The following XRCC1 variants were observed in gnomAD, a reference collection of about 807,000 sequenced individuals.
XRCC1 encodes the protein DNA repair protein XRCC1.
A neutral mutation model predicts 83.3 loss-of-function variants in XRCC1; 52 were observed. That is an observed-to-expected ratio of 0.62 (90% CI 0.50 to 0.79). The LOEUF (loss-of-function observed/expected upper bound fraction) is 0.79. Among genes scored for constraint, XRCC1 ranks in the 30% least tolerant of loss-of-function variants. XRCC1 has a pLI of 0.00. For missense variants in XRCC1, 793 were observed against 823.5 expected (o/e 0.96, Z 0.45); for synonymous variants, 281 against 312.6 (o/e 0.90, Z 1.07).
At chr19:43,546,269 T>A (rs1361350762) in intron 12 of XRCC1, among the ~76,000 whole-genome samples, 163 bp from the exon 13 acceptor site, 2 of 135,812 alleles carry the variant, frequency 1.5e-5, no homozygotes, top group Non-Finnish European at 3.2e-5. Flanking sequence ...GATCCAGGAG[T>A]CCAGGCCCCA....
At position 43,554,775 on chromosome 19, in the gene XRCC1, G is replaced by A. The variant is rs1972619149; in HGVS notation, c.285C>T (p.Ser95=). The change falls in exon 4 of 17, where the codon TCC becomes TCT. Residue 95 remains serine, a synonymous_variant. Transcript: ENST00000262887. ...TTGAGCCACTGCGGCTCTCGGAAGG[G>A]GACATGAAAGATGAGGTGACCAGAA... The part of the protein sequence containing the change: ...EVLLVTSSFM[S]PSESRSGSNP... 2 of 1,613,072 alleles carry A rather than the reference G, an allele frequency of 1.2e-6. No homozygotes were observed. Among genetic ancestry groups the A allele is most frequent in the South Asian group, 1.1e-5 (1 of 91,040 alleles).
At chr19:43,570,998 C>G (rs1386758952) in intron 2 of XRCC1, among the ~76,000 whole-genome samples, 1 of 152,232 alleles carries the variant, frequency 6.6e-6, no homozygotes, top group Non-Finnish European at 1.5e-5. Flanking sequence ...ATCTCCCACT[C>G]CTGTGTGTGG....
Position 43,554,824 on chromosome 19 carries a change from G to A in XRCC1, c.256-20C>T, listed in dbSNP as rs1024069125. The A allele has an allele frequency of 2.9e-5, 47 of 1,602,554 alleles. No individual in the cohort carries two copies. Among genetic ancestry groups the A allele is most frequent in the Non-Finnish European group, 3.8e-5 (44 of 1,171,442 alleles). ...AAGGACCTGGGTGGGAGAAGCCACA[G>A]TGCATGAGAACCAGGGCAGGTTGGC... On this transcript the variant is annotated intron_variant, in intron 3 of 16. Transcript: ENST00000262887.
At chr19:43,544,121 C>T in intron 15 of XRCC1, 23 bp downstream of exon 15, 1 of 1,585,492 alleles carries the variant, frequency 6.3e-7, no homozygotes, top group Non-Finnish European at 8.6e-7. Context: ...ACCCCTTCCC[C>T]ACCCCAGTCC....
chr19:43,543,381 T>C lies in XRCC1; in HGVS notation c.*11A>G, dbSNP rs747878311. 1.5e-5 allele frequency: 23 copies of C among 1,537,332 alleles called. No individual in the cohort carries two copies. Among genetic ancestry groups the C allele is most frequent in the Admixed American group, 5.1e-5 (3 of 59,174 alleles). ...GTGTGTGTGTGTGTGTGTGTGTGTATAGCACATACTTCAGGCTTGCGGCAC... is the reference window on the plus strand; with the variant it reads ...GTGTGTGTGTGTGTGTGTGTGTGTACAGCACATACTTCAGGCTTGCGGCAC... On this transcript the variant is annotated 3_prime_UTR_variant, in exon 17 of 17. Coordinates refer to ENST00000262887, the MANE Select transcript of XRCC1 (RefSeq NM_006297.3).
rs1568511553 is a variant in XRCC1, at chr19:43,547,068, C to T, written c.1200-91G>A. ...ACAGCCATTGGCATTTACTAAAATA[C>T]TCACTCTAGTGGGCCTCATGGTCTT... On this transcript the variant is annotated intron_variant, in intron 10 of 16. Transcript: ENST00000262887. 2.1e-5 allele frequency: 26 copies of T among 1,254,984 alleles called. 1 individual carries two copies. The South Asian group carries it at 3.4e-4, about 16-fold the overall frequency. 77.7% of individuals were successfully genotyped at this position (1,254,984 alleles called of 1,614,324 possible). A position where few individuals can be genotyped will look rare whatever the true frequency, so the allele number is the denominator to read the frequency against.
chr19:43,559,479 C>CAAAAAAAAAAAAAAAA (rs58121949), intron 3 of XRCC1, among the ~76,000 whole-genome samples: 2 of 56,528 alleles, frequency 3.5e-5, no homozygotes, highest in African/African-American at 7.3e-5. Context: ...GACTCCATCT[C>CAAAAAAAAAAAAAAAA]AAAAAAAAAA....
intron 10 of XRCC1, among the ~76,000 whole-genome samples, chr19:43,549,643 A>T (rs2146046840): frequency 6.6e-6 from 1 of 152,066 alleles, no homozygotes; most frequent in Admixed American, 6.6e-5. Flanking sequence ...TGCAGCCTGA[A>T]CCTCCTGGGC....
intron 2 of XRCC1, among the ~76,000 whole-genome samples, chr19:43,562,317 G>C (rs1413932725): frequency 6.6e-6 from 1 of 152,126 alleles, no homozygotes; most frequent in African/African-American, 2.4e-5. Context: ...GAGGGAGCCT[G>C]GACTTGGGGT....
chr19:43,548,937 G>A (rs1972549094), intron 10 of XRCC1, among the ~76,000 whole-genome samples: 1 of 152,062 alleles, frequency 6.6e-6, no homozygotes, highest in African/African-American at 2.4e-5. Context: ...TATTTAATCT[G>A]CCCTAAGCCA....
chr19:43,561,220 A>G (rs1362482484), intron 2 of XRCC1, among the ~76,000 whole-genome samples, 200 bp from the exon 3 acceptor site: 2 of 152,104 alleles, frequency 1.3e-5, no homozygotes, highest in East Asian at 3.8e-4. Context: ...CAAAATAGTC[A>G]CTGAATGAAT....
At chr19:43,572,047 C>G (rs1972810859) in intron 2 of XRCC1, among the ~76,000 whole-genome samples, 1 of 152,160 alleles carries the variant, frequency 6.6e-6, no homozygotes, top group Admixed American at 6.5e-5. Context: ...CTGGACATCC[C>G]AACTGAAACA....
rs1237962168 is a variant in XRCC1 at position 43,553,423 on chromosome 19, G to A, written c.579C>T (p.Ser193=). 2 of 1,614,170 alleles carry A rather than the reference G, an allele frequency of 1.2e-6. No homozygotes were observed. The change falls in exon 6 of 17, where the codon AGC becomes AGT. Residue 193 remains serine (S), a synonymous_variant. Transcript: ENST00000262887. ...NSLRPGALFF[S]RINKTSPVTA... Reference sequence around the variant, plus strand: ...CACCTGGGGATGTCTTGTTGATCCGGCTGAAGAAGAGAGCCCCCGGCCTCA... The same window carrying A: ...CACCTGGGGATGTCTTGTTGATCCGACTGAAGAAGAGAGCCCCCGGCCTCA...
At chr19:43,568,738 A>AGGAGGGAGCAGGAG in intron 2 of XRCC1, among the ~76,000 whole-genome samples, 1 of 126,758 alleles carries the variant, frequency 7.9e-6, no homozygotes, top group African/African-American at 3.0e-5. Flanking sequence ...GGAGAGAAGA[A>AGGAGGGAGCAGGAG]TGAGGGAGCA....
intron 10 of XRCC1, 36 bp downstream of exon 10, chr19:43,551,535 C>T (rs775664366): frequency 2.6e-6 from 4 of 1,568,298 alleles, no homozygotes; most frequent in East Asian, 4.5e-5. Flanking sequence ...TTGCCCAGCA[C>T]AGGATAAGGA....
chr19:43,572,210 AT>A (rs1972812186), intron 2 of XRCC1, among the ~76,000 whole-genome samples: 1 of 152,172 alleles, frequency 6.6e-6, no homozygotes, highest in South Asian at 2.1e-4. Context: ...ATGAAATGTG[AT>A]TTCCCTGGAG....
At position 43,546,117 on chromosome 19, in the gene XRCC1, A is replaced by C; in HGVS notation, c.1427-11T>G. The C allele has an allele frequency of 6.2e-7, 1 of 1,613,296 alleles. No individual in the cohort carries two copies. Among genetic ancestry groups the C allele is most frequent in the Admixed American group, 1.7e-5 (1 of 59,974 alleles). On this transcript the variant is annotated splice_polypyrimidine_tract_variant and intron_variant, in intron 12 of 16. Coordinates refer to ENST00000262887, the MANE Select transcript of XRCC1 (RefSeq NM_006297.3). ...CATTGTCCTGTCCTTCTGCAAGTAG[A>C]AGCTCAGTCAATGCAAGGCTGCCTT...
At chr19:43,560,697 A>G (rs1307538819) in intron 3 of XRCC1, among the ~76,000 whole-genome samples, 1 of 152,208 alleles carries the variant, frequency 6.6e-6, no homozygotes, top group Non-Finnish European at 1.5e-5. Flanking sequence ...ATTTTAAGCC[A>G]TGATCCAAAC....
intron 2 of XRCC1, among the ~76,000 whole-genome samples, chr19:43,566,685 C>T (rs1247228437): frequency 1.3e-5 from 2 of 151,158 alleles, no homozygotes; most frequent in African/African-American, 4.9e-5. Context: ...TCAAGACCAA[C>T]CTGGGCAACA....
Sources: allele counts gnomAD v4.1 joint callset (sites outside exome capture counted in the v4.1 genomes callset), GRCh38; gene constraint gnomAD v4.1.1; transcripts MANE v1.5; gene names NCBI Gene and HGNC (gene_info 2026-07-23, HGNC 2026-07-21).